NAV2: variants seen among roughly 807,000 people sequenced by gnomAD.
NAV2 encodes the protein helicase, APC down-regulated 1.
In NAV2, 54 loss-of-function variants were observed where a neutral mutation model predicts 223.2. That is an observed-to-expected ratio of 0.24 (90% CI 0.19 to 0.30). NAV2 has a LOEUF of 0.30. Ranked by LOEUF, NAV2 falls within the 10% of genes least tolerant of loss-of-function variation. The pLI is 1.00. For missense variants in NAV2, 2,806 were observed against 3,147.5 expected (o/e 0.89, Z 2.60); for synonymous variants, 1,279 against 1,239.3 (o/e 1.03, Z -0.67).
chr11:19,429,751 G>C (rs1336658551), intron 1 of NAV2, among the ~76,000 whole-genome samples: 3 of 152,172 alleles, frequency 2.0e-5, no homozygotes, highest in Non-Finnish European at 4.4e-5. Context: ...CTCTCCATTT[G>C]ACAGATGATG....
At chr11:19,820,330 C>T (rs1321419370) in intron 1 of NAV2, among the ~76,000 whole-genome samples, 1 of 152,210 alleles carries the variant, frequency 6.6e-6, no homozygotes, top group Non-Finnish European at 1.5e-5. Flanking sequence ...TCTGATTAGT[C>T]AGTAACTAAT....
At chr11:19,892,388 A>G in intron 5 of NAV2, 46 bp from the exon 6 acceptor site, 1 of 1,584,240 alleles carries the variant, frequency 6.3e-7, no homozygotes, top group Non-Finnish European at 8.6e-7. Flanking sequence ...ACACACTGTT[A>G]TTCTTCTGAG....
At chr11:20,072,685 C>T (rs986093929) in intron 22 of NAV2, among the ~76,000 whole-genome samples, 1 of 152,092 alleles carries the variant, frequency 6.6e-6, no homozygotes, top group African/African-American at 2.4e-5. Flanking sequence ...GTATTTTATT[C>T]TCTTTGTAGC....
At chr11:19,379,683 C>T (rs1233938568) in intron 1 of NAV2, among the ~76,000 whole-genome samples, 1 of 152,154 alleles carries the variant, frequency 6.6e-6, no homozygotes, top group African/African-American at 2.4e-5. Context: ...GTGAGCTGAC[C>T]AGAGCTTCAC....
chr11:19,704,144 CCT>C (rs1366736395), intron 1 of NAV2, among the ~76,000 whole-genome samples: 4 of 152,018 alleles, frequency 2.6e-5, no homozygotes, highest in African/African-American at 9.7e-5. Context: ...AGCAGGAAGC[CCT>C]GTCTCAGAGC....
At chr11:20,099,573 A>T (rs1200470589) in intron 31 of NAV2, among the ~76,000 whole-genome samples, 1 of 152,152 alleles carries the variant, frequency 6.6e-6, no homozygotes, top group Non-Finnish European at 1.5e-5. Flanking sequence ...TTTATTTTTC[A>T]GTGACACCTG....
At chr11:20,089,829 A>G (rs1238838251) in intron 26 of NAV2, among the ~76,000 whole-genome samples, 1 of 152,228 alleles carries the variant, frequency 6.6e-6, no homozygotes, top group Non-Finnish European at 1.5e-5. Context: ...AACCTAAGTA[A>G]CTAAGGAGCC....
At chr11:19,515,866 A>C (rs2134272186) in intron 1 of NAV2, among the ~76,000 whole-genome samples, 1 of 152,346 alleles carries the variant, frequency 6.6e-6, no homozygotes, top group Middle Eastern at 3.4e-3. Flanking sequence ...GGGATGAGGC[A>C]TGTGAGTGAC....
intron 1 of NAV2, among the ~76,000 whole-genome samples, chr11:19,399,502 G>A (rs1466592280): frequency 2.0e-5 from 3 of 152,178 alleles, no homozygotes; most frequent in Non-Finnish European, 4.4e-5. Flanking sequence ...GGTGGACAGG[G>A]GACACAGAGA....
At chr11:19,892,110 C>T (rs1410323108) in intron 5 of NAV2, among the ~76,000 whole-genome samples, 1 of 152,168 alleles carries the variant, frequency 6.6e-6, no homozygotes, top group Non-Finnish European at 1.5e-5. Context: ...AGGTGCCCAC[C>T]ACCATGCCTG....
At chr11:19,346,418 C>T (rs1179032907), upstream of NAV2, among the ~76,000 whole-genome samples, 1 of 152,208 alleles carries the variant, frequency 6.6e-6, no homozygotes, top group Admixed American at 6.5e-5. Flanking sequence ...CTCTCCCACG[C>T]TCCGGTTAGC....
At chr11:19,611,339 T>C (rs1451385856) in intron 1 of NAV2, among the ~76,000 whole-genome samples, 2 of 151,964 alleles carry the variant, frequency 1.3e-5, no homozygotes, top group East Asian at 3.9e-4. Flanking sequence ...CCCCTTCAAA[T>C]CTCATGTCCT....
At chr11:19,868,113 G>A (rs963429331) in intron 3 of NAV2, among the ~76,000 whole-genome samples, 2 of 152,184 alleles carry the variant, frequency 1.3e-5, no homozygotes, top group Non-Finnish European at 2.9e-5. Flanking sequence ...AGGGGAATGA[G>A]TGGGGTCCCC....
chr11:19,603,265 G>T (rs2135261243), intron 1 of NAV2, among the ~76,000 whole-genome samples: 1 of 152,294 alleles, frequency 6.6e-6, no homozygotes, highest in African/African-American at 2.4e-5. Context: ...GGACAGAAAT[G>T]GAGGGAGGGA....
At chr11:19,721,677 A>T (rs1230574567) in intron 1 of NAV2, among the ~76,000 whole-genome samples, 1 of 152,254 alleles carries the variant, frequency 6.6e-6, no homozygotes, top group Admixed American at 6.5e-5. Flanking sequence ...GGATGAGGAA[A>T]ACCATAAATG....
chr11:19,410,434 T>C lies in NAV2; in HGVS notation c.75+59407T>C, dbSNP rs140757443. On this transcript the variant is annotated intron_variant, in intron 1 of 37. Transcript: ENST00000360655. ...CATACCAACTCTACTAAGTAGCAGT[T>C]ATTATCTCTATTTTACAAATAAGGA... Among the ~76,000 whole-genome samples the C allele has an allele frequency of 4.8e-4, 73 of 152,308 alleles. No individual in the cohort carries two copies. In the East Asian group the frequency reaches 0.01, roughly 21 times the overall value.
chr11:19,926,134 G>C (rs375294482), intron 6 of NAV2, among the ~76,000 whole-genome samples: 18 of 152,254 alleles, frequency 1.2e-4, no homozygotes, highest in African/African-American at 4.3e-4. Flanking sequence ...CTGGAATTTT[G>C]ATAAGGATTG....
At chr11:19,852,113 ACT>A (rs1719480051) in intron 3 of NAV2, among the ~76,000 whole-genome samples, 1 of 152,240 alleles carries the variant, frequency 6.6e-6, no homozygotes, top group African/African-American at 2.4e-5. Flanking sequence ...GTTTTAGCCC[ACT>A]GAGACTGATT....
chr11:19,766,415 C>A (rs1242207490), intron 1 of NAV2, among the ~76,000 whole-genome samples: 1 of 152,128 alleles, frequency 6.6e-6, no homozygotes, highest in Non-Finnish European at 1.5e-5. Context: ...GGGGAACTGT[C>A]CAGCTCTCAG....
Sources: allele counts gnomAD v4.1 joint callset (sites outside exome capture counted in the v4.1 genomes callset), GRCh38; gene constraint gnomAD v4.1.1; transcripts MANE v1.5; gene names NCBI Gene and HGNC (gene_info 2026-07-23, HGNC 2026-07-21).